TNKS1BP1: variants seen among roughly 807,000 people sequenced by gnomAD.
The protein encoded by TNKS1BP1 is 182 kDa tankyrase-1-binding protein.
In TNKS1BP1, 48 loss-of-function variants were observed where a neutral mutation model predicts 141.1. The observed-to-expected ratio is 0.34, with a 90% CI of 0.27 to 0.43. TNKS1BP1 has a LOEUF of 0.43. TNKS1BP1 is among the 20% of genes least tolerant of loss of function. The pLI is 1.00. For synonymous variants in TNKS1BP1, 875 were observed against 898.2 expected (o/e 0.97, Z 0.46); for missense variants, 2,149 against 2,226.0 (o/e 0.97, Z 0.70).
chr11:57,316,841 T>A lies in TNKS1BP1; in HGVS notation c.798+977A>T, dbSNP rs537593562. 3.3e-5 allele frequency among the ~76,000 whole-genome samples: 5 copies of A among 152,316 alleles called. No homozygotes were observed. In the East Asian group the frequency reaches 9.6e-4, roughly 29 times the overall value. On this transcript the variant is annotated intron_variant, in intron 4 of 11. Coordinates refer to ENST00000358252, the MANE Select transcript of TNKS1BP1 (RefSeq NM_033396.3). ...ACTCTTCACAACTAAGACAGCAGCA[T>A]CCCATGCCTCTCCTGCAAACCCTTC...
intron 3 of TNKS1BP1, 69 bp downstream of exon 3, chr11:57,320,010 A>G (rs554503513): frequency 1.3e-5 from 19 of 1,481,248 alleles, no homozygotes; most frequent in Non-Finnish European, 1.7e-5. Flanking sequence ...CTTGGTCCCC[A>G]GCCCCCACCC....
chr11:57,312,447 A>C (rs1855727038), intron 5 of TNKS1BP1, 87 bp downstream of exon 5: 1 of 1,362,790 alleles, frequency 7.3e-7, no homozygotes, highest in African/African-American at 1.5e-5. Context: ...AGCTCTCGAC[A>C]TGTAAAATCC....
chr11:57,300,851 G>T (rs368740786), intron 10 of TNKS1BP1, 33 bp downstream of exon 10: 13 of 1,604,316 alleles, frequency 8.1e-6, no homozygotes, highest in Non-Finnish European at 1.1e-5. Context: ...AATACAGTGA[G>T]GTCAGCGGAT....
In TNKS1BP1 at chr11:57,308,715, C is replaced by T. The variant is rs1341269742; in HGVS notation, c.3996G>A (p.Gln1332=). The change falls in exon 6 of 12, where the codon CAG becomes CAA. Residue 1332 remains glutamine (Q), a synonymous_variant. Transcript: ENST00000358252. ...VTCDPDSGGS[Q]GLRGCGVGQM... is the part of the protein sequence containing the mutation. ...GCCCCACTCCACATCCCCGTAGCCC[C>T]TGAGAACCTCCAGAGTCTGGGTCAC... 3 of 1,613,452 alleles carry T rather than the reference C, an allele frequency of 1.9e-6. No homozygotes were observed. The highest frequency in any genetic ancestry group is 2.7e-5 in the African/African-American group (2 of 74,916).
rs751095265 is a variant in TNKS1BP1, at chr11:57,308,639, C to G, written c.4072G>C (p.Ala1358Pro). The change falls in exon 6 of 12, where the codon GCT (alanine) becomes CCT (proline). Residue 1358 changes from alanine to proline, a missense_variant. Transcript: ENST00000358252. Reference protein sequence around the residue: ...LAPQNVELFGAPSEAREHGVG... With the variant: ...LAPQNVELFGPPSEAREHGVG... The stretch of plus-strand genomic sequence containing the variant: ...CCATGCTCCCTGGCTTCACTTGGAG[C>G]CCCAAAGAGCTCCACATTCTGGGGC... 8.7e-6 allele frequency: 14 copies of G among 1,613,290 alleles called. No homozygotes were observed. The highest frequency in any genetic ancestry group is 1.2e-5 in the Non-Finnish European group (14 of 1,180,002).
intron 4 of TNKS1BP1, among the ~76,000 whole-genome samples, chr11:57,315,690 G>A (rs1855788199): frequency 6.8e-6 from 1 of 146,976 alleles, no homozygotes; most frequent in African/African-American, 2.5e-5. Flanking sequence ...CTCAGCTGAT[G>A]GCCTTGCTTC....
At position 57,320,379 on chromosome 11, in the gene TNKS1BP1, C is replaced by T; in HGVS notation, c.428G>A (p.Arg143Gln). 4 of 1,613,964 alleles carry T rather than the reference C, an allele frequency of 2.5e-6. No homozygotes were observed. The highest frequency in any genetic ancestry group is 1.1e-5 in the South Asian group (1 of 91,058). Residue 143 changes from arginine (R) to glutamine (Q), a missense_variant, in exon 3 of 12, where the codon CGG becomes CAG. By Grantham distance (43) the Arg-to-Gln change is conservative. Coordinates refer to ENST00000358252, the MANE Select transcript of TNKS1BP1 (RefSeq NM_033396.3). ...PARCAAPGGV[R>Q]KAPAPFRPAS... Reference sequence around the variant, plus strand: ...TGGGCGGAAAGGGGCAGGGGCCTTCCGTACACCCCCTGGGGCTGCACATCG... The same window carrying T: ...TGGGCGGAAAGGGGCAGGGGCCTTCTGTACACCCCCTGGGGCTGCACATCG...
At chr11:57,320,844 T>A (rs552682071) in intron 2 of TNKS1BP1, 132 bp from the exon 3 acceptor site, 1 of 1,075,272 alleles carries the variant, frequency 9.3e-7, no homozygotes, top group Non-Finnish European at 1.3e-6. Flanking sequence ...ACAAGTCATA[T>A]GCCACCTCTT....
At position 57,299,792 on chromosome 11, in the gene TNKS1BP1, T is replaced by A. The variant is rs1473851574; in HGVS notation, c.*302A>T. The A allele has an allele frequency of 6.5e-6, 1 of 154,632 alleles. No homozygotes were observed. Among genetic ancestry groups the A allele is most frequent in the African/African-American group, 2.4e-5 (1 of 41,462 alleles). The allele number at this position is 154,632 out of a possible 1,614,324, so 9.6% of individuals were successfully genotyped here. A position where few individuals can be genotyped will look rare whatever the true frequency, so the allele number is the denominator to read the frequency against. On this transcript the variant is annotated 3_prime_UTR_variant, in exon 12 of 12. Coordinates refer to ENST00000358252, the MANE Select transcript of TNKS1BP1 (RefSeq NM_033396.3). Reference sequence around the variant, plus strand: ...AGGCTTTTATAAAAAATGCTATAAATTGGTATCAAAAGAAAACCCAAGGGA... The same window carrying A: ...AGGCTTTTATAAAAAATGCTATAAAATGGTATCAAAAGAAAACCCAAGGGA...
rs574880790 is a variant in TNKS1BP1 at position 57,303,191 on chromosome 11, C to T, written c.4317-366G>A. The T allele has an allele frequency of 9.7e-5, 20 of 205,682 alleles. No individual in the cohort carries two copies. The East Asian group carries it at 2.0e-3, about 21-fold the overall frequency. 12.7% of individuals were successfully genotyped at this position (205,682 alleles called of 1,614,324 possible). On this transcript the variant is annotated intron_variant, in intron 6 of 11. Transcript: ENST00000358252. ...CCATTATTCCTGCTGCTGTTGCATGCTAGCAATGTGTTCCCTCCCAGGGCC... is the reference window on the plus strand; with the variant it reads ...CCATTATTCCTGCTGCTGTTGCATGTTAGCAATGTGTTCCCTCCCAGGGCC...
chr11:57,311,456 C>T (rs956073757), intron 5 of TNKS1BP1: 5 of 985,798 alleles, frequency 5.1e-6, no homozygotes, highest in Admixed American at 6.1e-5. Context: ...GGGACCTGTC[C>T]GACGGCTCTG....
At chr11:57,311,510 C>A in intron 5 of TNKS1BP1, 1 of 974,828 alleles carries the variant, frequency 1.0e-6, no homozygotes, top group Non-Finnish European at 1.2e-6. Flanking sequence ...TCCGGAGCAG[C>A]TGCAGCTTGG....
In TNKS1BP1 at chr11:57,309,968, G is replaced by A. The variant is rs1855679346; in HGVS notation, c.2743C>T (p.His915Tyr). ...GCATCCTGGCTGCTGTACCTACCAT[G>A]GTGGTCCCTCTTCCCCAAATCTTGG... Reference protein sequence around the residue: ...QGQDLGKRDHHGRYSSQDADE... With the variant: ...QGQDLGKRDHYGRYSSQDADE... The change falls in exon 6 of 12, where the codon CAT becomes TAT. Residue 915 changes from histidine to tyrosine, a missense_variant. His to Tyr is a moderately conservative substitution (Grantham distance 83). Coordinates refer to ENST00000358252, the MANE Select transcript of TNKS1BP1 (RefSeq NM_033396.3). This position sits in a 1 kb window ranked among gnomAD's most constrained non-coding sequence, Gnocchi z 4.3. 3 of 1,613,920 alleles carry A rather than the reference G, an allele frequency of 1.9e-6. No individual in the cohort carries two copies. Among genetic ancestry groups the A allele is most frequent in the South Asian group, 2.2e-5 (2 of 91,086 alleles).
Position 57,309,791 on chromosome 11 carries a change from C to T in TNKS1BP1, c.2920G>A (p.Asp974Asn). ...AGGGGTCTCGTTCCAAAGCTTCTGT[C>T]CTGGGCGTCAAGGGTCCTGGAGCTG... ...GGSSRTLDAQ[D>N]RSFGTRPLSS... The change falls in exon 6 of 12, where the codon GAC becomes AAC. Residue 974 changes from aspartate to asparagine, a missense_variant. By Grantham distance (23) the Asp-to-Asn change is conservative (BLOSUM62 1). Coordinates refer to ENST00000358252, the MANE Select transcript of TNKS1BP1 (RefSeq NM_033396.3). The surrounding 1 kb of genome is among the most constrained non-coding windows in gnomAD (Gnocchi z 4.3). The T allele has an allele frequency of 6.2e-7, 1 of 1,614,192 alleles. No homozygotes were observed. The highest frequency in any genetic ancestry group is 2.2e-5 in the East Asian group (1 of 44,882).
At chr11:57,321,707 A>T in intron 2 of TNKS1BP1, 85 bp downstream of exon 2, 1 of 1,480,950 alleles carries the variant, frequency 6.8e-7, no homozygotes, top group African/African-American at 1.4e-5. Flanking sequence ...TCACTCAACC[A>T]CCCCCCAAGA....
In TNKS1BP1 at chr11:57,309,872, G is replaced by C; in HGVS notation, c.2839C>G (p.Pro947Ala). 6.2e-7 allele frequency: 1 copy of C among 1,614,086 alleles called. No individual in the cohort carries two copies. The highest frequency in any genetic ancestry group is 8.5e-7 in the Non-Finnish European group (1 of 1,180,014). Residue 947 changes from proline to alanine, a missense_variant, in exon 6 of 12, where the codon CCA (proline) becomes GCA (alanine). Transcript: ENST00000358252. The surrounding 1 kb of genome is among the most constrained non-coding windows in gnomAD (Gnocchi z 4.3). ...LGTYGSRAAEPQEQEFGKSAW... is the reference protein window; with the variant it reads ...LGTYGSRAAEAQEQEFGKSAW... ...CTCTTCCCAAACTCCTGTTCCTGTG[G>C]CTCCGCAGCCCGGCTGCCATAGGTG...
In TNKS1BP1 at chr11:57,302,254, A is replaced by T; in HGVS notation, c.4684-30T>A. On this transcript the variant is annotated intron_variant, in intron 7 of 11. Coordinates refer to ENST00000358252, the MANE Select transcript of TNKS1BP1 (RefSeq NM_033396.3). The surrounding 1 kb of genome is among the most constrained non-coding windows in gnomAD (Gnocchi z 5.5). ...TTGGGGCAATGGTGACACCACTGCC[A>T]TTGCTGCCTCATCCCACGGGAGCCC... The T allele has an allele frequency of 6.3e-7, 1 of 1,593,924 alleles. No homozygotes were observed. Among genetic ancestry groups the T allele is most frequent in the Non-Finnish European group, 8.6e-7 (1 of 1,167,682 alleles).
Position 57,302,222 on chromosome 11 carries a change from G to T in TNKS1BP1, c.4686C>A (p.Asp1562Glu). ...SPSQDFSFIE[D>E]TEILDSAMYR... is the part of the protein sequence containing the mutation. ...ACATGGCACTGTCGAGGATCTCGGT[G>T]TCCTGCTTGGGGCAATGGTGACACC... is the stretch of plus-strand genomic sequence containing the variant. Residue 1562 changes from aspartate (D) to glutamate (E), a missense_variant and splice_region_variant, in exon 8 of 12, where the codon GAC (aspartate) becomes GAA (glutamate). By Grantham distance (45) the Asp-to-Glu change is conservative. Transcript: ENST00000358252. The surrounding 1 kb of genome is among the most constrained non-coding windows in gnomAD (Gnocchi z 5.5). 6.2e-7 allele frequency: 1 copy of T among 1,610,230 alleles called. No individual in the cohort carries two copies.
rs201916466 is a variant in TNKS1BP1 at position 57,310,202 on chromosome 11, G to T, written c.2509C>A (p.Gln837Lys). 11 of 1,614,208 alleles carry T rather than the reference G, an allele frequency of 6.8e-6. No homozygotes were observed. The highest frequency in any genetic ancestry group is 9.3e-6 in the Non-Finnish European group (11 of 1,180,034). Residue 837 changes from glutamine to lysine, a missense_variant, in exon 6 of 12, where the codon CAG becomes AAG. Coordinates refer to ENST00000358252, the MANE Select transcript of TNKS1BP1 (RefSeq NM_033396.3). ...TCCCAGTCCTGAACATCTGCCTCCTGGCTCCGCTGAGTGCCAAGCTGGGCT... is the reference window on the plus strand; with the variant it reads ...TCCCAGTCCTGAACATCTGCCTCCTTGCTCCGCTGAGTGCCAAGCTGGGCT... ...KPAQLGTQRS[Q>K]EADVQDWEFR...
Sources: allele counts gnomAD v4.1 joint callset (sites outside exome capture counted in the v4.1 genomes callset), GRCh38; gene constraint gnomAD v4.1.1; non-coding constraint Gnocchi (gnomAD v3.1); transcripts MANE v1.5; gene names NCBI Gene and HGNC (gene_info 2026-07-23, HGNC 2026-07-21).